The following PLPP3 variants were observed in gnomAD, a reference collection of about 807,000 sequenced individuals.
PLPP3 encodes the protein phospholipid phosphatase 3, also known as PAP2 beta.
In PLPP3, 6 loss-of-function variants were observed where a neutral mutation model predicts 29.6. The ratio of observed to expected loss-of-function variants is 0.20; its 90% CI spans 0.11 to 0.40. The LOEUF (loss-of-function observed/expected upper bound fraction) is 0.40. Ranked by LOEUF, PLPP3 falls within the 10% of genes least tolerant of loss-of-function variation. The probability of loss-of-function intolerance (pLI) is 1.00; values close to 1 mark genes in which losing one functional copy is unlikely to be tolerated. For missense variants in PLPP3, 308 were observed against 407.7 expected (o/e 0.76, Z 2.11); for synonymous variants, 152 against 159.7 (o/e 0.95, Z 0.36).
chr1:56,550,774 T>A (rs1430113342), intron 1 of PLPP3, among the ~76,000 whole-genome samples: 2 of 145,202 alleles, frequency 1.4e-5, no homozygotes, highest in Non-Finnish European at 3.0e-5. Flanking sequence ...CCAAATAACA[T>A]TATTCCCCTT....
chr1:56,543,362 T>C (rs1269915567), intron 1 of PLPP3, among the ~76,000 whole-genome samples: 5 of 152,312 alleles, frequency 3.3e-5, no homozygotes, highest in South Asian at 4.1e-4. Flanking sequence ...AGTGAGTAAA[T>C]TGGTCACTGG....
At chr1:56,543,469 C>A (rs907472278) in intron 1 of PLPP3, among the ~76,000 whole-genome samples, 6 of 152,134 alleles carry the variant, frequency 3.9e-5, no homozygotes, top group African/African-American at 1.4e-4. Flanking sequence ...GTTAAAATAT[C>A]ACTCACTGAT....
At chr1:56,562,102 A>C (rs1422091441) in intron 1 of PLPP3, among the ~76,000 whole-genome samples, 1 of 148,672 alleles carries the variant, frequency 6.7e-6, no homozygotes, top group East Asian at 2.0e-4. Flanking sequence ...AAAGAGAAAG[A>C]ATGGCATGGT....
At position 56,565,295 on chromosome 1, in the gene PLPP3, C is replaced by G. The variant is rs374769354; in HGVS notation, c.139+13583G>C. On this transcript the variant is annotated intron_variant, in intron 1 of 5. Transcript: ENST00000371250. Reference sequence around the variant, plus strand: ...CTAACCAGAGAAGCTCAAAATCTTTCAATGTGACTTAAAGGTTACACCAAA... The same window carrying G: ...CTAACCAGAGAAGCTCAAAATCTTTGAATGTGACTTAAAGGTTACACCAAA... Among the ~76,000 whole-genome samples, 8 of 152,144 alleles carry G rather than the reference C, an allele frequency of 5.3e-5. No individual in the cohort carries two copies. The South Asian group carries it at 1.7e-3, about 31-fold the overall frequency.
chr1:56,498,877 C>A (rs1422694667), intron 5 of PLPP3, among the ~76,000 whole-genome samples: 2 of 152,320 alleles, frequency 1.3e-5, no homozygotes, highest in Middle Eastern at 3.4e-3. Flanking sequence ...CATGATCCGC[C>A]TGCCTCAGCC....
chr1:56,551,319 C>CTTTGGTTTGCTTT (rs1162477204), intron 1 of PLPP3, among the ~76,000 whole-genome samples: 1 of 137,528 alleles, frequency 7.3e-6, no homozygotes, highest in Non-Finnish European at 1.6e-5. Context: ...CGGTTCGGTT[C>CTTTGGTTTGCTTT]GGTTTGGTGG....
chr1:56,552,829 G>C (rs1424498046), intron 1 of PLPP3, among the ~76,000 whole-genome samples: 3 of 152,168 alleles, frequency 2.0e-5, no homozygotes, highest in Non-Finnish European at 2.9e-5. Context: ...GAGAAAATAT[G>C]TGCCTCAGGA....
chr1:56,511,557 C>G lies in PLPP3; in HGVS notation c.810+419G>C, dbSNP rs188517319. Among the ~76,000 whole-genome samples the G allele has an allele frequency of 2.2e-3, 338 of 152,162 alleles. 1 individual carries two copies. Among genetic ancestry groups the G allele is most frequent in the Non-Finnish European group, 4.2e-3 (285 of 68,014 alleles). Reference sequence around the variant, plus strand: ...TCCACCAAAACAGCATGTGAGCACTCGAGTCAGGAGACTTAGATCTTGCTA... The same window carrying G: ...TCCACCAAAACAGCATGTGAGCACTGGAGTCAGGAGACTTAGATCTTGCTA... On this transcript the variant is annotated intron_variant, in intron 5 of 5. Transcript: ENST00000371250.
chr1:56,579,164 G>A lies in PLPP3; in HGVS notation c.-148C>T, dbSNP rs975402139. 9.9e-7 allele frequency: 1 copy of A among 1,011,930 alleles called. No homozygotes were observed. The highest frequency in any genetic ancestry group is 1.4e-6 in the Non-Finnish European group (1 of 730,234). 62.7% of individuals were successfully genotyped at this position (1,011,930 alleles called of 1,614,324 possible). ...CTCCGGGCGCGGCGGCTAGAGTGCA[G>A]CCGGGGCTGCCTGCCTCCAACTGCA... is the stretch of plus-strand genomic sequence containing the variant. On this transcript the variant is annotated 5_prime_UTR_variant, in exon 1 of 6. Transcript: ENST00000371250.
At chr1:56,558,417 AG>A (rs1181491264) in intron 1 of PLPP3, among the ~76,000 whole-genome samples, 1 of 152,346 alleles carries the variant, frequency 6.6e-6, no homozygotes, top group African/African-American at 2.4e-5. Flanking sequence ...ATTCTCTGGC[AG>A]GACTCCAAGG....
In PLPP3 at chr1:56,495,445, G is replaced by A. The variant is rs1464150048; in HGVS notation, c.*1106C>T. ...AGAACCTACCAAGAACTGCCCTAGG[G>A]CTCAACCCCAAGACAATAGTGCTTT... On this transcript the variant is annotated 3_prime_UTR_variant, in exon 6 of 6. Coordinates refer to ENST00000371250, the MANE Select transcript of PLPP3 (RefSeq NM_003713.5). 1.3e-5 allele frequency: 2 copies of A among 152,624 alleles called. No homozygotes were observed. The highest frequency in any genetic ancestry group is 6.5e-5 in the Admixed American group (1 of 15,280). The allele number at this position is 152,624 out of a possible 1,614,324, so 9.5% of individuals were successfully genotyped here.
At chr1:56,499,691 T>G (rs1645653547) in intron 5 of PLPP3, among the ~76,000 whole-genome samples, 1 of 152,206 alleles carries the variant, frequency 6.6e-6, no homozygotes, top group South Asian at 2.1e-4. Flanking sequence ...TCAGCATGAC[T>G]TGAGGTTACA....
chr1:56,548,493 C>T (rs905949602), intron 1 of PLPP3, among the ~76,000 whole-genome samples: 2 of 152,160 alleles, frequency 1.3e-5, no homozygotes, highest in South Asian at 2.1e-4. Flanking sequence ...TGAAGTACAA[C>T]GCAAACTTCT....
At chr1:56,541,793 A>T (rs1645971206) in intron 1 of PLPP3, among the ~76,000 whole-genome samples, 1 of 152,148 alleles carries the variant, frequency 6.6e-6, no homozygotes, top group Non-Finnish European at 1.5e-5. Context: ...TCTGATGAAA[A>T]AGGCACTGTT....
At chr1:56,570,669 CT>C (rs375422419) in intron 1 of PLPP3, among the ~76,000 whole-genome samples, 151 of 152,290 alleles carry the variant, frequency 9.9e-4, no homozygotes, top group Middle Eastern at 6.8e-3. Flanking sequence ...CTTGAGAAGT[CT>C]GTTTAATCTG....
intron 2 of PLPP3, among the ~76,000 whole-genome samples, chr1:56,527,111 GT>G (rs1645857752): frequency 6.6e-6 from 1 of 152,158 alleles, no homozygotes; most frequent in Non-Finnish European, 1.5e-5. Context: ...GGGAGACGGG[GT>G]TTGATTACAA....
At chr1:56,550,342 T>G (rs768512639) in intron 1 of PLPP3, among the ~76,000 whole-genome samples, 2 of 152,174 alleles carry the variant, frequency 1.3e-5, no homozygotes, top group Admixed American at 6.5e-5. Context: ...GAGGCTCTTT[T>G]GCCAGAACTC....
intron 2 of PLPP3, among the ~76,000 whole-genome samples, chr1:56,531,490 C>G (rs1179914740): frequency 6.6e-6 from 1 of 152,212 alleles, no homozygotes; most frequent in African/African-American, 2.4e-5. Context: ...TACCTACACA[C>G]AGCAGGTGAT....
chr1:56,541,376 C>A (rs1051450010), intron 1 of PLPP3, among the ~76,000 whole-genome samples: 4 of 152,160 alleles, frequency 2.6e-5, no homozygotes, highest in African/African-American at 9.7e-5. Flanking sequence ...TAGCACAAAG[C>A]ATAAATAATA....
Sources: allele counts gnomAD v4.1 joint callset (sites outside exome capture counted in the v4.1 genomes callset), GRCh38; gene constraint gnomAD v4.1.1; transcripts MANE v1.5; gene names NCBI Gene and HGNC (gene_info 2026-07-23, HGNC 2026-07-21).